MYH16: variants seen among roughly 807,000 people sequenced by gnomAD.
MYH16 encodes the protein putative uncharacterized protein MYH16.
intron 18 of MYH16, among the ~76,000 whole-genome samples, chr7:99,267,524 C>G (rs1229318627): frequency 1.3e-5 from 2 of 152,336 alleles, no homozygotes; most frequent in South Asian, 4.1e-4. Flanking sequence ...GCCACCACAC[C>G]TGGCCTGAGC....
intron 18 of MYH16, among the ~76,000 whole-genome samples, chr7:99,270,168 G>A (rs1375268262): frequency 6.6e-6 from 1 of 151,744 alleles, no homozygotes; most frequent in Non-Finnish European, 1.5e-5. Context: ...CCTGGCCTGG[G>A]GGGATTTTTA....
chr7:99,258,615 G>T (rs1791900671), intron 11 of MYH16, among the ~76,000 whole-genome samples: 1 of 152,130 alleles, frequency 6.6e-6, no homozygotes, highest in Non-Finnish European at 1.5e-5. Context: ...TTAAGGATGG[G>T]ATGAGTGGTG....
chr7:99,298,354 T>C (rs1792534972), intron 36 of MYH16, among the ~76,000 whole-genome samples: 1 of 151,958 alleles, frequency 6.6e-6, no homozygotes, highest in Admixed American at 6.6e-5. Context: ...TGCCTTAGCC[T>C]CCCAAGTAGC....
chr7:99,289,719 T>C (rs1792341308), intron 30 of MYH16, among the ~76,000 whole-genome samples: 1 of 152,204 alleles, frequency 6.6e-6, no homozygotes, highest in Non-Finnish European at 1.5e-5. Context: ...AAAGCGAACA[T>C]GTGTCAACGA....
At chr7:99,292,268 C>A in intron 31 of MYH16, 44 bp from the exon 13 acceptor site, 1 of 445,020 alleles carries the variant, frequency 2.2e-6, no homozygotes, top group Non-Finnish European at 4.6e-6. Flanking sequence ...GCCCTGCGGG[C>A]TGTGGAAAGC....
chr7:99,292,914 C>G (rs979144797), intron 32 of MYH16, among the ~76,000 whole-genome samples: 1 of 150,902 alleles, frequency 6.6e-6, no homozygotes, highest in South Asian at 2.1e-4. Flanking sequence ...GAGCAATGAT[C>G]GAGCCACTGC....
intron 33 of MYH16, among the ~76,000 whole-genome samples, chr7:99,294,913 G>A (rs1024204251): frequency 1.3e-5 from 2 of 152,088 alleles, no homozygotes; most frequent in Non-Finnish European, 2.9e-5. Context: ...GGTGGCACAT[G>A]CCTGTGGTCC....
chr7:99,257,131 T>G (rs1044565655), intron 9 of MYH16, among the ~76,000 whole-genome samples: 1 of 152,124 alleles, frequency 6.6e-6, no homozygotes, highest in African/African-American at 2.4e-5. Flanking sequence ...TTGCAGAACA[T>G]CTGATCTGGG....
At chr7:99,271,670 A>C (rs1792048312) in intron 19 of MYH16, among the ~76,000 whole-genome samples, 1 of 152,238 alleles carries the variant, frequency 6.6e-6, no homozygotes, top group African/African-American at 2.4e-5. Flanking sequence ...ATATAATAAA[A>C]TCAGGATAAC....
At chr7:99,279,017 C>T (rs1355479779) in intron 21 of MYH16, among the ~76,000 whole-genome samples, 1 of 151,880 alleles carries the variant, frequency 6.6e-6, no homozygotes, top group African/African-American at 2.4e-5. Context: ...CATAGTGAAA[C>T]CCCATCTCTA....
chr7:99,297,962 T>C, exon 36 of MYH16: 1 of 456,584 alleles, frequency 2.2e-6, no homozygotes. Context: ...GACCGAAGAA[T>C]CCATGAGAAA....
chr7:99,248,775 A>C (rs1791769407), intron 3 of MYH16, among the ~76,000 whole-genome samples: 1 of 152,164 alleles, frequency 6.6e-6, no homozygotes, highest in South Asian at 2.1e-4. Context: ...GTGGCTGATA[A>C]ATTCCTGATC....
chr7:99,289,970 T>C (rs1050114471), intron 30 of MYH16, among the ~76,000 whole-genome samples: 4 of 152,164 alleles, frequency 2.6e-5, no homozygotes, highest in Non-Finnish European at 2.9e-5. Flanking sequence ...CATCTTTGCA[T>C]CTCTATAACA....
At chr7:99,250,480 C>A (rs1252125131) in intron 5 of MYH16, among the ~76,000 whole-genome samples, 1 of 152,208 alleles carries the variant, frequency 6.6e-6, no homozygotes, top group African/African-American at 2.4e-5. Flanking sequence ...GTGGCTCATG[C>A]CTATAATCCC....
intron 9 of MYH16, among the ~76,000 whole-genome samples, chr7:99,256,550 G>T (rs921358941): frequency 3.3e-5 from 5 of 152,158 alleles, no homozygotes; most frequent in Non-Finnish European, 5.9e-5. Flanking sequence ...AAGGCAGGGG[G>T]ATCACTTGAG....
chr7:99,287,827 G>A (rs1792301562), intron 28 of MYH16, 65 bp from the exon 10 acceptor site: 2 of 428,136 alleles, frequency 4.7e-6, no homozygotes, highest in African/African-American at 4.1e-5. Context: ...GAGCAGCTGG[G>A]CGGTGTCCAC....
At chr7:99,273,319 T>G in intron 19 of MYH16, 23 bp from the exon 2 acceptor site, 1 of 456,676 alleles carries the variant, frequency 2.2e-6, no homozygotes, top group South Asian at 1.5e-5. Flanking sequence ...TGTAACCCAC[T>G]CAACCCTGGA....
intron 28 of MYH16, 91 bp from the exon 10 acceptor site, chr7:99,287,801 A>G (rs1792301069): frequency 2.5e-6 from 1 of 398,178 alleles, no homozygotes; most frequent in Admixed American, 2.9e-5. Flanking sequence ...AGGTACAGGA[A>G]TATCAGGGGA....
chr7:99,287,994 A>G (rs1487924022), exon 29 of MYH16: 1 of 456,616 alleles, frequency 2.2e-6, no homozygotes, highest in South Asian at 1.5e-5. Context: ...ACTGCGCAAG[A>G]AGCACGTGGA....
Sources: gnomAD v4.1 joint callset for allele counts (sites outside exome capture counted in the v4.1 genomes callset) on GRCh38, gnomAD v4.1.1 for gene constraint, MANE v1.5 for transcripts, NCBI Gene and HGNC (gene_info 2026-07-23, HGNC 2026-07-21) for gene names.